Variants in SETBP1 observed in about 807,000 individuals in gnomAD.
SETBP1 encodes SET-binding protein.
A neutral mutation model predicts 101.0 loss-of-function variants in SETBP1; 9 were observed. The observed-to-expected ratio is 0.09, with a 90% CI of 0.05 to 0.16. The LOEUF is 0.16. Ranked by LOEUF, SETBP1 falls within the 10% of genes least tolerant of loss-of-function variation. The pLI, the probability that SETBP1 is intolerant of heterozygous loss-of-function variation, is 1.00. For synonymous variants in SETBP1, 818 were observed against 788.5 expected, an observed-to-expected ratio of 1.04 and a Z score of -0.63; for missense variants, 1,858 against 2,033.8, an observed-to-expected ratio of 0.91 and a Z score of 1.66.
chr18:44,732,872 G>T (rs1311162731), intron 2 of SETBP1: 1 of 152,202 alleles, frequency 6.6e-6, no homozygotes, highest in Non-Finnish European at 1.5e-5. Flanking sequence ...GCGGCAAACA[G>T]AGCTTACAGT....
intron 4 of SETBP1, among the ~76,000 whole-genome samples, chr18:44,955,573 A>G (rs909265369): frequency 5.3e-5 from 8 of 152,228 alleles, no homozygotes; most frequent in African/African-American, 1.7e-4. Context: ...GTTATTAGAC[A>G]GGTACTTTTA....
rs531234199 is a variant in SETBP1, at chr18:45,009,727, T to G, written c.4001-28758T>G. 2.0e-5 allele frequency among the ~76,000 whole-genome samples: 3 copies of G among 152,282 alleles called. 1 individual carries two copies. The South Asian group carries it at 6.2e-4, about 32-fold the overall frequency. ...GAACAAGAGAGAGACAGATTAGGAA[T>G]TGCTAACCTGTTCTGTTTGATGTGC... On this transcript the variant is annotated intron_variant, in intron 4 of 5. Transcript: ENST00000649279.
chr18:44,934,240 C>G (rs113774469), intron 3 of SETBP1, among the ~76,000 whole-genome samples: 231 of 151,980 alleles, frequency 1.5e-3, no homozygotes, highest in African/African-American at 4.8e-3. Flanking sequence ...CCTCCACCTC[C>G]TAGGTTCAAG....
chr18:44,818,218 T>C (rs144364176), intron 2 of SETBP1, among the ~76,000 whole-genome samples: 111 of 152,326 alleles, frequency 7.3e-4, no homozygotes, highest in Non-Finnish European at 1.4e-3. Flanking sequence ...TTTTTTTTAA[T>C]TGGAGAGATG....
chr18:44,906,506 C>T (rs1340031622), intron 3 of SETBP1, among the ~76,000 whole-genome samples: 1 of 152,034 alleles, frequency 6.6e-6, no homozygotes, highest in Non-Finnish European at 1.5e-5. Context: ...TGACAAGGCA[C>T]AGAAAAAAAT....
At chr18:44,864,011 T>C (rs1331137655) in intron 2 of SETBP1, among the ~76,000 whole-genome samples, 1 of 151,936 alleles carries the variant, frequency 6.6e-6, no homozygotes. Context: ...GAGCAATTGG[T>C]GCGGGTATGT....
At chr18:44,916,927 G>A (rs1477807114) in intron 3 of SETBP1, among the ~76,000 whole-genome samples, 1 of 152,132 alleles carries the variant, frequency 6.6e-6, no homozygotes, top group Non-Finnish European at 1.5e-5. Flanking sequence ...CCCTGAACCT[G>A]GTAACACAGA....
intron 3 of SETBP1, among the ~76,000 whole-genome samples, chr18:44,946,826 C>A (rs1179905157): frequency 6.6e-6 from 1 of 152,094 alleles, no homozygotes; most frequent in Non-Finnish European, 1.5e-5. Flanking sequence ...AAATAAATGC[C>A]ACCTAGCAGT....
chr18:44,774,784 C>T (rs1231007411), intron 2 of SETBP1, among the ~76,000 whole-genome samples: 1 of 152,102 alleles, frequency 6.6e-6, no homozygotes, highest in Non-Finnish European at 1.5e-5. Flanking sequence ...TCACCTGATC[C>T]CAGAGCATAT....
At chr18:44,989,588 C>T (rs546619387) in intron 4 of SETBP1, among the ~76,000 whole-genome samples, 1 of 151,952 alleles carries the variant, frequency 6.6e-6, no homozygotes, top group Admixed American at 6.6e-5. Context: ...TCCTCAGAAG[C>T]TGAAAGCCCA....
rs115979471 is a variant in SETBP1 at position 44,941,077 on chromosome 18, C to A, written c.541-8804C>A. Among the ~76,000 whole-genome samples the A allele has an allele frequency of 3.6e-3, 270 of 74,838 alleles. 4 individuals are homozygous for A. The highest frequency in any genetic ancestry group is 0.015 in the African/African-American group (255 of 17,010). The allele number at this position is 74,838 out of a possible 152,430, so 49.1% of individuals were successfully genotyped here. ...ATATTCTAATTAATGAGAAGTCAGACTTTTTTTTTTTTTTTTTTTTTTTGA... is the reference window on the plus strand; with the variant it reads ...ATATTCTAATTAATGAGAAGTCAGAATTTTTTTTTTTTTTTTTTTTTTTGA... On this transcript the variant is annotated intron_variant, in intron 3 of 5. Transcript: ENST00000649279.
rs1445040722 is a variant in SETBP1, at chr18:44,951,784, C to T, written c.2444C>T (p.Pro815Leu). The T allele has an allele frequency of 6.2e-7, 1 of 1,613,968 alleles. No homozygotes were observed. Among genetic ancestry groups the T allele is most frequent in the Non-Finnish European group, 8.5e-7 (1 of 1,180,046 alleles). ...MPNLQPISAL[P>L]TKTQKGIHSG... Reference sequence around the variant, plus strand: ...AATCTCCAGCCCATCAGTGCTCTTCCAACCAAAACCCAAAAGGGAATACAC... The same window carrying T: ...AATCTCCAGCCCATCAGTGCTCTTCTAACCAAAACCCAAAAGGGAATACAC... The change falls in exon 4 of 6, where the codon CCA (proline) becomes CTA (leucine). Residue 815 changes from proline to leucine, a missense_variant. By Grantham distance (98) the Pro-to-Leu change is moderately conservative (BLOSUM62 -3). Coordinates refer to ENST00000649279, the MANE Select transcript of SETBP1 (RefSeq NM_015559.3). This position sits in a 1 kb window ranked among gnomAD's most constrained non-coding sequence, Gnocchi z 7.8.
intron 1 of SETBP1, among the ~76,000 whole-genome samples, chr18:44,698,709 T>C (rs569173086): frequency 6.6e-6 from 1 of 152,360 alleles, no homozygotes; most frequent in South Asian, 2.1e-4. Flanking sequence ...TTTGATTCTG[T>C]CCTTTCTTAC....
intron 2 of SETBP1, among the ~76,000 whole-genome samples, chr18:44,763,483 G>A (rs2070703184): frequency 6.6e-6 from 1 of 152,200 alleles, no homozygotes; most frequent in Non-Finnish European, 1.5e-5. Context: ...CGTGTCTGGT[G>A]AAAGGAAGCA....
chr18:44,854,147 C>T (rs991614902), intron 2 of SETBP1, among the ~76,000 whole-genome samples: 2 of 152,038 alleles, frequency 1.3e-5, no homozygotes, highest in African/African-American at 2.4e-5. Context: ...TGTTCATTGG[C>T]GTATCCCCAG....
In SETBP1 at chr18:44,894,101, C is replaced by T. The variant is rs537584359; in HGVS notation, c.540+24818C>T. Among the ~76,000 whole-genome samples the T allele has an allele frequency of 9.2e-5, 14 of 152,170 alleles. No homozygotes were observed. The East Asian group carries it at 1.9e-3, about 21-fold the overall frequency. ...GATGACTGAGGGCTGAAATAAAAAA[C>T]AAAAAGCTATTCCAATTTCATTTGA... is the stretch of plus-strand genomic sequence containing the variant. On this transcript the variant is annotated intron_variant, in intron 3 of 5. Coordinates refer to ENST00000649279, the MANE Select transcript of SETBP1 (RefSeq NM_015559.3).
chr18:44,720,734 G>A (rs982641840), intron 2 of SETBP1, among the ~76,000 whole-genome samples: 4 of 152,142 alleles, frequency 2.6e-5, no homozygotes, highest in Non-Finnish European at 4.4e-5. Context: ...AGGGGTATAG[G>A]CAGTGTGCTT....
intron 2 of SETBP1, among the ~76,000 whole-genome samples, chr18:44,823,579 C>T (rs556558502): frequency 2.6e-5 from 4 of 152,280 alleles, no homozygotes; most frequent in South Asian, 4.1e-4. Flanking sequence ...TCCCACATAC[C>T]GGGAGAAAAA....
At chr18:44,703,348 G>GTTT (rs531974601) in intron 2 of SETBP1, among the ~76,000 whole-genome samples, 4 of 51,444 alleles carry the variant, frequency 7.8e-5, no homozygotes, top group Non-Finnish European at 1.1e-4. Flanking sequence ...TTACCATTAG[G>GTTT]TTTTTTTTTT....
Sources: allele counts gnomAD v4.1 joint callset (sites outside exome capture counted in the v4.1 genomes callset), GRCh38; gene constraint gnomAD v4.1.1; non-coding constraint Gnocchi (gnomAD v3.1); transcripts MANE v1.5; gene names NCBI Gene and HGNC (gene_info 2026-07-23, HGNC 2026-07-21).